Variants in LRRC47 observed in about 807,000 individuals in gnomAD.
The protein encoded by LRRC47 is leucine rich repeat containing 47, also known as leucine-rich repeat-containing protein 47.
LRRC47 carries 31 observed loss-of-function variants against 40.9 expected under a neutral mutation model. The observed-to-expected ratio is 0.76, with a 90% confidence interval of 0.57 to 1.02. The LOEUF (loss-of-function observed/expected upper bound fraction) is 1.02, where lower values mean the gene tolerates loss of function less well. Among genes scored for constraint, LRRC47 ranks in the 50% least tolerant of loss-of-function variants. The probability of loss-of-function intolerance (pLI) is 0.00; values close to 1 mark genes in which losing one functional copy is unlikely to be tolerated. For missense variants in LRRC47, 726 were observed against 796.1 expected (o/e 0.91, Z 1.06); for synonymous variants, 427 against 371.9 (o/e 1.15, Z -1.70).
In LRRC47 at chr1:3,787,152, C is replaced by T; in HGVS notation, c.774G>A (p.Leu258=). 1 of 1,613,882 alleles carries T rather than the reference C, an allele frequency of 6.2e-7. No homozygotes were observed. The highest frequency in any genetic ancestry group is 1.3e-5 in the African/African-American group (1 of 75,052). The stretch of plus-strand genomic sequence containing the variant: ...TCCCGCCACCACGGCCTCCGACGCG[C>T]AGGTACTCCAGGATGGATCTGGTCT... ...GCQTRSILEY[L]RVGGRGGGKG... is the part of the protein sequence containing the mutation. The change falls in exon 2 of 7, where the codon CTG becomes CTA. Residue 258 remains leucine, a synonymous_variant. Transcript: ENST00000378251.
chr1:3,792,625 T>TA (rs1348315460), intron 1 of LRRC47, among the ~76,000 whole-genome samples: 1 of 152,114 alleles, frequency 6.6e-6, no homozygotes, highest in Non-Finnish European at 1.5e-5. Context: ...CACACCCAGC[T>TA]AATTTTTGTA....
At chr1:3,790,053 G>A (rs943274806) in intron 1 of LRRC47, among the ~76,000 whole-genome samples, 5 of 152,208 alleles carry the variant, frequency 3.3e-5, no homozygotes, top group Non-Finnish European at 1.5e-5. Context: ...CCTGTCACCC[G>A]GAGCTGACAC....
chr1:3,795,242 T>C (rs1375623482), intron 1 of LRRC47, among the ~76,000 whole-genome samples: 1 of 152,130 alleles, frequency 6.6e-6, no homozygotes, highest in African/African-American at 2.4e-5. Flanking sequence ...TGGGCACCTG[T>C]TATAGGCCAA....
rs766537785 is a variant in LRRC47 at position 3,779,419 on chromosome 1, C to G, written c.*1669G>C. 6.6e-6 allele frequency: 1 copy of G among 152,182 alleles called. No individual in the cohort carries two copies. Among genetic ancestry groups the G allele is most frequent in the Non-Finnish European group, 1.5e-5 (1 of 68,028 alleles). The allele number at this position is 152,182 out of a possible 1,614,324, so 9.4% of individuals were successfully genotyped here. The stretch of plus-strand genomic sequence containing the variant: ...TCTGCTTCTCACATGGCACCCAGAT[C>G]GTAAGGCAGTGGGGTCTGTAAAATC... On this transcript the variant is annotated 3_prime_UTR_variant, in exon 7 of 7. Coordinates refer to ENST00000378251, the MANE Select transcript of LRRC47 (RefSeq NM_020710.3).
At position 3,782,684 on chromosome 1, in the gene LRRC47, T is replaced by C. The variant is rs781472823; in HGVS notation, c.1390A>G (p.Ile464Val). 5.0e-6 allele frequency: 8 copies of C among 1,608,334 alleles called. No individual in the cohort carries two copies. The highest frequency in any genetic ancestry group is 1.3e-5 in the African/African-American group (1 of 74,806). Reference sequence around the variant, plus strand: ...ACCTTTGTCTTCTCACTGTTGGTTATTGGTGGGAAGGAAATCACATCACCG... The same window carrying C: ...ACCTTTGTCTTCTCACTGTTGGTTACTGGTGGGAAGGAAATCACATCACCG... ...ADGDVISFPP[I>V]TNSEKTKVKK... The change falls in exon 5 of 7, where the codon ATA becomes GTA. Residue 464 changes from isoleucine to valine, a missense_variant. Ile to Val is a conservative substitution (Grantham distance 29). Coordinates refer to ENST00000378251, the MANE Select transcript of LRRC47 (RefSeq NM_020710.3).
At chr1:3,793,510 G>T (rs920140811) in intron 1 of LRRC47, among the ~76,000 whole-genome samples, 1 of 152,100 alleles carries the variant, frequency 6.6e-6, no homozygotes, top group East Asian at 1.9e-4. Flanking sequence ...AGCTAATGAG[G>T]GTCCACGAGG....
At chr1:3,782,348 A>G (rs1643528582) in intron 5 of LRRC47, among the ~76,000 whole-genome samples, 1 of 151,948 alleles carries the variant, frequency 6.6e-6, no homozygotes, top group African/African-American at 2.4e-5. Flanking sequence ...CCTCCTGAGT[A>G]GCTGAGACTA....
chr1:3,782,938 T>A (rs1643535202), intron 4 of LRRC47, 175 bp from the exon 5 acceptor site: 1 of 599,824 alleles, frequency 1.7e-6, no homozygotes. Flanking sequence ...AAGTCTGTCA[T>A]CACTATGGTG....
At chr1:3,789,389 T>C (rs1643606771) in intron 1 of LRRC47, among the ~76,000 whole-genome samples, 1 of 152,170 alleles carries the variant, frequency 6.6e-6, no homozygotes, top group South Asian at 2.1e-4. Flanking sequence ...AGCTTGAGAG[T>C]TCCCCTCAAG....
intron 1 of LRRC47, among the ~76,000 whole-genome samples, chr1:3,792,077 T>C (rs1418757283): frequency 1.3e-5 from 2 of 152,148 alleles, no homozygotes; most frequent in Non-Finnish European, 2.9e-5. Flanking sequence ...TGAGCTCAGT[T>C]TTCTGGTTTT....
chr1:3,783,420 CAA>C (rs56305825), intron 4 of LRRC47, among the ~76,000 whole-genome samples: 9 of 116,134 alleles, frequency 7.7e-5, no homozygotes, highest in Non-Finnish European at 1.1e-4. Flanking sequence ...GACCCCATCT[CAA>C]AAAAAAAAAA....
chr1:3,778,883 G>A lies in LRRC47; in HGVS notation c.*2205C>T, dbSNP rs1187903680. ...CCCCAAATCACCTCTCAGAGCAACT[G>A]TCTGGGGTCCCCAGCCCCAGAACTC... On this transcript the variant is annotated 3_prime_UTR_variant, in exon 7 of 7. Coordinates refer to ENST00000378251, the MANE Select transcript of LRRC47 (RefSeq NM_020710.3). The A allele has an allele frequency of 2.0e-5, 3 of 152,248 alleles. No individual in the cohort carries two copies. Among genetic ancestry groups the A allele is most frequent in the Admixed American group, 1.3e-4 (2 of 15,286 alleles). 9.4% of individuals were successfully genotyped at this position (152,248 alleles called of 1,614,324 possible). A position where few individuals can be genotyped will look rare whatever the true frequency, so the allele number is the denominator to read the frequency against.
At position 3,781,532 on chromosome 1, in the gene LRRC47, C is replaced by T. The variant is rs1643520917; in HGVS notation, c.1483G>A (p.Val495Ile). Residue 495 changes from valine to isoleucine, a missense_variant, in exon 6 of 7, where the codon GTC becomes ATC. By Grantham distance (29) the Val-to-Ile change is conservative. Coordinates refer to ENST00000378251, the MANE Select transcript of LRRC47 (RefSeq NM_020710.3). ...SATSLQICKD[V>I]MDALILKMAE... ...CTCACCAGAATGAGGGCATCCATGA[C>T]ATCCTTGCAAATCTGCAGACTGGTG... 3.7e-6 allele frequency: 6 copies of T among 1,613,866 alleles called. No homozygotes were observed. Among genetic ancestry groups the T allele is most frequent in the Admixed American group, 3.3e-5 (2 of 60,000 alleles).
chr1:3,793,605 G>A (rs554420376), intron 1 of LRRC47, among the ~76,000 whole-genome samples: 139 of 152,204 alleles, frequency 9.1e-4, no homozygotes, highest in Middle Eastern at 3.4e-3. Context: ...CAAGATATGC[G>A]ACTTCCCCAG....
At chr1:3,782,639 G>A in intron 5 of LRRC47, 22 bp downstream of exon 5, 2 of 1,366,248 alleles carry the variant, frequency 1.5e-6, no homozygotes, top group Non-Finnish European at 2.1e-6. Context: ...GACACACCAT[G>A]TTCACACACA....
rs546165137 is a variant in LRRC47 at position 3,794,098 on chromosome 1, G to A, written c.615+1764C>T. Reference sequence around the variant, plus strand: ...TAGTCCCAGCTACTCGGGAGGCTGAGGCAGGAGAATGGCGTGAACCCGGGA... The same window carrying A: ...TAGTCCCAGCTACTCGGGAGGCTGAAGCAGGAGAATGGCGTGAACCCGGGA... On this transcript the variant is annotated intron_variant, in intron 1 of 6. Transcript: ENST00000378251. 1.8e-4 allele frequency among the ~76,000 whole-genome samples: 28 copies of A among 152,116 alleles called. No homozygotes were observed. In the East Asian group the frequency reaches 5.4e-3, roughly 29 times the overall value.
intron 2 of LRRC47, 60 bp from the exon 3 acceptor site, chr1:3,785,263 C>T: frequency 8.2e-7 from 1 of 1,219,184 alleles, no homozygotes; most frequent in South Asian, 1.7e-5. Flanking sequence ...AGCGAGGTGT[C>T]CACACTTCAC....
chr1:3,782,927 TAA>T, intron 4 of LRRC47, 164 bp from the exon 5 acceptor site: 1 of 611,404 alleles, frequency 1.6e-6, no homozygotes, highest in Non-Finnish European at 3.0e-6. Context: ...GTGTCTACGC[TAA>T]GTCTGTCATC....
rs1643532042 is a variant in LRRC47, at chr1:3,782,689, G to T, written c.1385C>A (p.Pro462Gln). The change falls in exon 5 of 7, where the codon CCA becomes CAA. Residue 462 changes from proline (P) to glutamine (Q), a missense_variant. Transcript: ENST00000378251. The stretch of plus-strand genomic sequence containing the variant: ...TGTCTTCTCACTGTTGGTTATTGGT[G>T]GGAAGGAAATCACATCACCGTCTGC... ...VDADGDVISF[P>Q]PITNSEKTKV... 1.2e-5 allele frequency: 19 copies of T among 1,610,422 alleles called. No individual in the cohort carries two copies. Among genetic ancestry groups the T allele is most frequent in the Non-Finnish European group, 1.5e-5 (18 of 1,176,700 alleles).
Sources: allele counts gnomAD v4.1 joint callset (sites outside exome capture counted in the v4.1 genomes callset), GRCh38; gene constraint gnomAD v4.1.1; transcripts MANE v1.5; gene names NCBI Gene and HGNC (gene_info 2026-07-23, HGNC 2026-07-21).